Variants in C7orf57 observed in about 807,000 individuals in gnomAD.
The protein encoded by C7orf57 is chromosome 7 open reading frame 57.
In C7orf57, 33 loss-of-function variants were observed where a neutral mutation model predicts 39.0. The observed-to-expected ratio is 0.85, with a 90% CI of 0.64 to 1.13. C7orf57 has a LOEUF of 1.13. Among genes scored for constraint, C7orf57 ranks in the 50% most tolerant of loss-of-function variants. C7orf57 has a pLI of 0.00. For missense variants in C7orf57, 346 were observed against 362.3 expected, an observed-to-expected ratio of 0.95 and a Z score of 0.37; for synonymous variants, 124 against 137.1, an observed-to-expected ratio of 0.90 and a Z score of 0.67.
intron 6 of C7orf57, among the ~76,000 whole-genome samples, chr7:48,052,110 A>T (rs1432836790): frequency 6.6e-6 from 1 of 151,656 alleles, no homozygotes; most frequent in Non-Finnish European, 1.5e-5. Flanking sequence ...AGTAGCTGGG[A>T]CTACAGGTGC....
Position 48,049,891 on chromosome 7 carries a change from G to A in C7orf57, c.519G>A (p.Pro173=), listed in dbSNP as rs372646803. Residue 173 remains proline, a synonymous_variant, in exon 6 of 9, where the codon CCG becomes CCA. Coordinates refer to ENST00000348904, the MANE Select transcript of C7orf57 (RefSeq NM_001100159.3). Reference sequence around the variant, plus strand: ...GTTTCCTCACACAGCTGAGGCTACCGGCCATTGACTCAAAGTATCTGAGCA... The same window carrying A: ...GTTTCCTCACACAGCTGAGGCTACCAGCCATTGACTCAAAGTATCTGAGCA... ...LEKEKKKLRL[P]AIDSKYLSKA... 3.1e-6 allele frequency: 5 copies of A among 1,613,372 alleles called. No homozygotes were observed. Among genetic ancestry groups the A allele is most frequent in the African/African-American group, 2.7e-5 (2 of 74,876 alleles).
chr7:48,051,837 T>TC lies in C7orf57; in HGVS notation c.606-863_606-862insC, dbSNP rs1298932920. On this transcript the variant is annotated intron_variant, in intron 6 of 8. Transcript: ENST00000348904. ...CTCTTCTCTTTCTTTCTTTCTTTCT[T>TC]TCTTTCTTTCTTTCTTTCTTTCTTT... 2.9e-3 allele frequency among the ~76,000 whole-genome samples: 256 copies of TC among 89,460 alleles called. 3 individuals are homozygous for TC. Among genetic ancestry groups the TC allele is most frequent in the Non-Finnish European group, 3.6e-3 (141 of 38,870 alleles). The allele number at this position is 89,460 out of a possible 152,430, so 58.7% of individuals were successfully genotyped here. A position where few individuals can be genotyped will look rare whatever the true frequency, so the allele number is the denominator to read the frequency against.
At chr7:48,046,892 T>C (rs1013481271) in intron 5 of C7orf57, among the ~76,000 whole-genome samples, 1 of 152,260 alleles carries the variant, frequency 6.6e-6, no homozygotes, top group Admixed American at 6.5e-5. Flanking sequence ...AAAACTGGCA[T>C]AGCACTTCTT....
chr7:48,038,035 A>C (rs963348865), intron 2 of C7orf57, among the ~76,000 whole-genome samples: 6 of 152,220 alleles, frequency 3.9e-5, no homozygotes, highest in Admixed American at 3.9e-4. Flanking sequence ...ATATGATCGG[A>C]GTATGAAGCT....
intron 8 of C7orf57, among the ~76,000 whole-genome samples, chr7:48,059,141 C>A (rs973134491): frequency 1.3e-5 from 2 of 152,140 alleles, no homozygotes; most frequent in African/African-American, 4.8e-5. Flanking sequence ...GAGCTTTTGA[C>A]AACCACACTC....
In C7orf57 at chr7:48,052,707, C is replaced by A. The variant is rs1554299873; in HGVS notation, c.613C>A (p.Gln205Lys). 3.1e-6 allele frequency: 5 copies of A among 1,613,366 alleles called. No individual in the cohort carries two copies. The South Asian group carries it at 4.4e-5, about 14-fold the overall frequency. ...SRLSFPPVPG[Q>K]KNSSPTNFSK... ...ACTTTTACTCTTTTTAAGGCCTGGT[C>A]AAAAAAACAGTTCACCTACCAATTT... is the stretch of plus-strand genomic sequence containing the variant. Residue 205 changes from glutamine to lysine, a missense_variant, in exon 7 of 9, where the codon CAA becomes AAA. By Grantham distance (53) the Gln-to-Lys change is moderately conservative. Transcript: ENST00000348904.
chr7:48,039,673 C>T (rs1790487306), intron 2 of C7orf57, among the ~76,000 whole-genome samples: 1 of 152,124 alleles, frequency 6.6e-6, no homozygotes, highest in Non-Finnish European at 1.5e-5. Context: ...ATCTGAGTAC[C>T]ATGGTCCAGC....
intron 2 of C7orf57, among the ~76,000 whole-genome samples, chr7:48,039,324 T>C (rs1790477233): frequency 6.6e-6 from 1 of 152,210 alleles, no homozygotes; most frequent in Admixed American, 6.5e-5. Flanking sequence ...AGAGTCTGTT[T>C]TTTCAGTCTT....
At chr7:48,051,828 TTTCTTTCTTTC>T (rs1790930912) in intron 6 of C7orf57, among the ~76,000 whole-genome samples, 1 of 49,048 alleles carries the variant, frequency 2.0e-5, no homozygotes. Flanking sequence ...TCTTTCTTTC[TTTCTTTCTTTC>T]TTTCTTTCTT....
intron 2 of C7orf57, among the ~76,000 whole-genome samples, chr7:48,040,403 C>T (rs1029419963): frequency 6.6e-6 from 1 of 152,158 alleles, no homozygotes; most frequent in Non-Finnish European, 1.5e-5. Flanking sequence ...TGATCTTTCT[C>T]AAGGGAGCCA....
At position 48,035,917 on chromosome 7, in the gene C7orf57, C is replaced by G. The variant is rs1790341319; in HGVS notation, c.-102+287C>G. 6.6e-6 allele frequency among the ~76,000 whole-genome samples: 1 copy of G among 151,742 alleles called. No individual in the cohort carries two copies. The highest frequency in any genetic ancestry group is 2.4e-5 in the African/African-American group (1 of 41,270). The stretch of plus-strand genomic sequence containing the variant: ...GCCCCCTCTGTGTGCCCCGCACGCA[C>G]GTGTCTCTGCTGAATACCCCGCGTG... On this transcript the variant is annotated intron_variant, in intron 1 of 8. Transcript: ENST00000348904. The surrounding 1 kb of genome is among the most constrained non-coding windows in gnomAD (Gnocchi z 4.0).
intron 7 of C7orf57, among the ~76,000 whole-genome samples, chr7:48,053,995 G>A (rs918079809): frequency 5.3e-5 from 8 of 152,210 alleles, no homozygotes; most frequent in East Asian, 3.9e-4. Context: ...TGAGGTCACC[G>A]TTTGCCATTC....
chr7:48,044,653 G>T (rs1456000794), intron 4 of C7orf57, among the ~76,000 whole-genome samples: 4 of 152,144 alleles, frequency 2.6e-5, no homozygotes, highest in African/African-American at 7.2e-5. Flanking sequence ...ACATCCTCCT[G>T]ATGTAGAAAT....
At chr7:48,054,497 T>A in intron 7 of C7orf57, 98 bp from the exon 8 acceptor site, 2 of 978,900 alleles carry the variant, frequency 2.0e-6, no homozygotes, top group Non-Finnish European at 3.1e-6. Flanking sequence ...TTGTTTTAAG[T>A]AATACAGAAT....
chr7:48,044,843 C>A lies in C7orf57; in HGVS notation c.350+1254C>A, dbSNP rs534216795. ...ATGCAAACTTTATCTCCAGAACCAC[C>A]TGTCGTGGATTGAGAGGTAAAATGA... On this transcript the variant is annotated intron_variant, in intron 4 of 8. Coordinates refer to ENST00000348904, the MANE Select transcript of C7orf57 (RefSeq NM_001100159.3). 2.0e-5 allele frequency among the ~76,000 whole-genome samples: 3 copies of A among 152,326 alleles called. No individual in the cohort carries two copies. The South Asian group carries it at 6.2e-4, about 32-fold the overall frequency.
At chr7:48,051,835 CTTT>C in intron 6 of C7orf57, among the ~76,000 whole-genome samples, 1 of 50,148 alleles carries the variant, frequency 2.0e-5, no homozygotes. Context: ...TTCTTTCTTT[CTTT>C]CTTTCTTTCT....
At chr7:48,059,176 T>C (rs1791217251) in intron 8 of C7orf57, among the ~76,000 whole-genome samples, 1 of 152,140 alleles carries the variant, frequency 6.6e-6, no homozygotes, top group African/African-American at 2.4e-5. Context: ...CTGACCACTA[T>C]TTTCCTTCCT....
chr7:48,036,262 C>G lies in C7orf57; in HGVS notation c.-47C>G. ...CAGCGTCCAGCGCACCCGCGAACAC[C>G]AGGTCCGGCAGCATCTGTCTTTTCC... is the stretch of plus-strand genomic sequence containing the variant. On this transcript the variant is annotated 5_prime_UTR_variant, in exon 2 of 9. Coordinates refer to ENST00000348904, the MANE Select transcript of C7orf57 (RefSeq NM_001100159.3). 6.4e-7 allele frequency: 1 copy of G among 1,551,510 alleles called. No homozygotes were observed. The highest frequency in any genetic ancestry group is 8.7e-7 in the Non-Finnish European group (1 of 1,145,514).
intron 8 of C7orf57, among the ~76,000 whole-genome samples, chr7:48,057,813 T>C (rs13224663): frequency 0.3 from 46,136 of 151,280 alleles, 7,624 homozygotes; most frequent in Middle Eastern, 0.55. Flanking sequence ...TTGTTGAGAG[T>C]TTTTTTTATC....
Sources: allele counts gnomAD v4.1 joint callset (sites outside exome capture counted in the v4.1 genomes callset), GRCh38; gene constraint gnomAD v4.1.1; non-coding constraint Gnocchi (gnomAD v3.1); transcripts MANE v1.5; gene names NCBI Gene and HGNC (gene_info 2026-07-23, HGNC 2026-07-21).